The following IMMP1L variants were observed in gnomAD, a reference collection of about 807,000 sequenced individuals.
The protein encoded by IMMP1L is mitochondrial inner membrane protease subunit 1.
IMMP1L carries 24 observed loss-of-function variants against 21.8 expected under a neutral mutation model. The observed-to-expected ratio is 1.10, with a 90% CI of 0.80 to 1.55. The LOEUF (loss-of-function observed/expected upper bound fraction) is 1.55, where lower values mean the gene tolerates loss of function less well. Ranked by LOEUF, IMMP1L falls within the 40% of genes most tolerant of loss-of-function variation. The probability of loss-of-function intolerance (pLI) is 0.00; values close to 1 mark genes in which losing one functional copy is unlikely to be tolerated. For missense variants in IMMP1L, 195 were observed against 200.7 expected, an observed-to-expected ratio of 0.97 and a Z score of 0.17; for synonymous variants, 46 against 62.8, an observed-to-expected ratio of 0.73 and a Z score of 1.26.
intron 3 of IMMP1L, among the ~76,000 whole-genome samples, chr11:31,460,279 C>T (rs1428990348): frequency 2.0e-5 from 3 of 152,238 alleles, no homozygotes; most frequent in East Asian, 3.9e-4. Context: ...AGAACAAAAA[C>T]ATTGATTTGG....
chr11:31,473,409 C>A (rs982997760), intron 1 of IMMP1L, among the ~76,000 whole-genome samples: 38 of 152,232 alleles, frequency 2.5e-4, no homozygotes, highest in African/African-American at 9.1e-4. Flanking sequence ...AGGAACTATT[C>A]AAAGTCATGC....
intron 4 of IMMP1L, chr11:31,449,141 A>G: frequency 1.1e-6 from 1 of 889,444 alleles, no homozygotes; most frequent in Non-Finnish European, 1.3e-6. Flanking sequence ...AATAAGTGAC[A>G]TTATTAGGCA....
At position 31,506,394 on chromosome 11, in the gene IMMP1L, A is replaced by G. The variant is rs570933974; in HGVS notation, c.-30+3125T>C. Among the ~76,000 whole-genome samples, 14 of 151,608 alleles carry G rather than the reference A, an allele frequency of 9.2e-5. No individual in the cohort carries two copies. In the South Asian group the frequency reaches 2.9e-3, roughly 32 times the overall value. Reference sequence around the variant, plus strand: ...CAGAAGCCCGCCACCATGCCCAGCTAATTTTTTTGTATTTTTTAGTAGAGA... The same window carrying G: ...CAGAAGCCCGCCACCATGCCCAGCTGATTTTTTTGTATTTTTTAGTAGAGA... On this transcript the variant is annotated intron_variant, in intron 1 of 5. Transcript: ENST00000532287.
At chr11:31,477,453 A>T (rs999218515) in intron 1 of IMMP1L, 2 of 670,510 alleles carry the variant, frequency 3.0e-6, no homozygotes. Flanking sequence ...GCTTAACATA[A>T]GGTTACATAT....
Position 31,509,542 on chromosome 11 carries a change from G to A in IMMP1L, c.-53C>T. 3 of 563,530 alleles carry A rather than the reference G, an allele frequency of 5.3e-6. No individual in the cohort carries two copies. The highest frequency in any genetic ancestry group is 3.2e-6 in the Non-Finnish European group (1 of 313,998). The allele number at this position is 563,530 out of a possible 1,614,324, so 34.9% of individuals were successfully genotyped here. On this transcript the variant is annotated 5_prime_UTR_variant, in exon 1 of 6. Transcript: ENST00000532287. ...ACCTCGGGCCCCAAAGAACCCTGGA[G>A]ACCCTCAACCAGGACACAGGTGGGC...
At chr11:31,481,984 C>A (rs1222780564) in intron 1 of IMMP1L, among the ~76,000 whole-genome samples, 1 of 152,038 alleles carries the variant, frequency 6.6e-6, no homozygotes, top group African/African-American at 2.4e-5. Context: ...TTTATCTCTT[C>A]ATCCCCAAAT....
rs114301321 is a variant in IMMP1L, at chr11:31,488,567, T to C, written c.-30+20952A>G. Among the ~76,000 whole-genome samples, 464 of 152,300 alleles carry C rather than the reference T, an allele frequency of 3.0e-3. 9 individuals are homozygous for C. The highest frequency in any genetic ancestry group is 0.011 in the African/African-American group (455 of 41,574). ...GGCAACCATCAACAGTTCATTAAAC[T>C]GTTCTAGACTGAGACATAGAAAGGA... On this transcript the variant is annotated intron_variant, in intron 1 of 5. Transcript: ENST00000532287.
At chr11:31,497,213 T>C (rs1289094741) in intron 1 of IMMP1L, among the ~76,000 whole-genome samples, 1 of 151,524 alleles carries the variant, frequency 6.6e-6, no homozygotes, top group Non-Finnish European at 1.5e-5. Context: ...TCAAAGAGCA[T>C]CTGCAATAGA....
chr11:31,436,567 G>A (rs1953127711), intron 4 of IMMP1L, among the ~76,000 whole-genome samples: 1 of 151,906 alleles, frequency 6.6e-6, no homozygotes, highest in Non-Finnish European at 1.5e-5. Context: ...CAAGTAGCTG[G>A]GATTATAGGT....
At chr11:31,439,901 G>A (rs765145341) in intron 4 of IMMP1L, among the ~76,000 whole-genome samples, 15 of 152,158 alleles carry the variant, frequency 9.9e-5, no homozygotes, top group Non-Finnish European at 1.3e-4. Context: ...TCAGCTCTGT[G>A]TGAGTTCTGG....
At chr11:31,484,141 T>C (rs1954993554) in intron 1 of IMMP1L, among the ~76,000 whole-genome samples, 1 of 151,882 alleles carries the variant, frequency 6.6e-6, no homozygotes, top group Non-Finnish European at 1.5e-5. Context: ...TTCACTCTCA[T>C]TTGATTTACA....
chr11:31,465,859 A>G (rs528874800), intron 1 of IMMP1L, among the ~76,000 whole-genome samples: 7 of 152,118 alleles, frequency 4.6e-5, no homozygotes, highest in Non-Finnish European at 8.8e-5. Context: ...ACTTCAAGAC[A>G]TTGGTCTAGG....
At chr11:31,508,158 A>G (rs1272472216) in intron 1 of IMMP1L, among the ~76,000 whole-genome samples, 2 of 152,172 alleles carry the variant, frequency 1.3e-5, no homozygotes, top group South Asian at 2.1e-4. Context: ...AACCTAAAAC[A>G]AAAGTTGAAG....
chr11:31,446,898 A>C (rs1027012320), intron 4 of IMMP1L, among the ~76,000 whole-genome samples: 9 of 152,228 alleles, frequency 5.9e-5, no homozygotes, highest in Non-Finnish European at 1.0e-4. Flanking sequence ...CCAATATGGC[A>C]GCCACTAGTC....
Position 31,451,720 on chromosome 11 carries a change from T to C in IMMP1L, c.321+4540A>G, listed in dbSNP as rs533505059. Among the ~76,000 whole-genome samples, 10 of 152,210 alleles carry C rather than the reference T, an allele frequency of 6.6e-5. No homozygotes were observed. The South Asian group carries it at 1.5e-3, about 22-fold the overall frequency. On this transcript the variant is annotated intron_variant, in intron 4 of 5. Transcript: ENST00000532287. ...CTGGAGTTCAGGGAAGAGGTTATAC[T>C]TGATATAAATTTGAGAGTAAGTTAA...
At chr11:31,478,790 A>G (rs1280126126) in intron 1 of IMMP1L, among the ~76,000 whole-genome samples, 1 of 152,158 alleles carries the variant, frequency 6.6e-6, no homozygotes, top group African/African-American at 2.4e-5. Context: ...TGCCTACAGT[A>G]TTTTATATAA....
intron 1 of IMMP1L, among the ~76,000 whole-genome samples, chr11:31,492,910 T>A (rs1191930401): frequency 1.3e-5 from 2 of 152,054 alleles, no homozygotes; most frequent in East Asian, 3.9e-4. Context: ...GATATAATAA[T>A]GATAAGAAGG....
At chr11:31,447,268 C>T (rs1441142060) in intron 4 of IMMP1L, among the ~76,000 whole-genome samples, 1 of 152,198 alleles carries the variant, frequency 6.6e-6, no homozygotes, top group Non-Finnish European at 1.5e-5. Context: ...TAGATGTCCC[C>T]CCTCCCAAGT....
At chr11:31,472,055 C>G (rs1031818896) in intron 1 of IMMP1L, among the ~76,000 whole-genome samples, 2 of 152,064 alleles carry the variant, frequency 1.3e-5, no homozygotes, top group African/African-American at 2.4e-5. Context: ...TCCTCTGTTT[C>G]TCTCTCTCTC....
Sources: gnomAD v4.1 joint callset for allele counts (sites outside exome capture counted in the v4.1 genomes callset) on GRCh38, gnomAD v4.1.1 for gene constraint, MANE v1.5 for transcripts, NCBI Gene and HGNC (gene_info 2026-07-23, HGNC 2026-07-21) for gene names.